The following CFHR5 variants were observed in gnomAD, a reference collection of about 807,000 sequenced individuals.
CFHR5 encodes complement factor H related 5.
In CFHR5, 73 loss-of-function variants were observed where a neutral mutation model predicts 62.9. The observed-to-expected ratio is 1.16, with a 90% CI of 0.96 to 1.41. The LOEUF (loss-of-function observed/expected upper bound fraction) is 1.41. Ranked by LOEUF, CFHR5 falls within the 40% of genes most tolerant of loss-of-function variation. The pLI is 0.00. For missense variants in CFHR5, 779 were observed against 679.9 expected (o/e 1.15, Z -1.62); for synonymous variants, 249 against 227.2 (o/e 1.10, Z -0.86).
Position 197,002,355 on chromosome 1 carries a change from G to GTGATATAAAGTGAT in CFHR5, c.1148-127_1148-126insTGATATAAAGTGAT, listed in dbSNP as rs1439134603. 2.0e-5 allele frequency: 13 copies of GTGATATAAAGTGAT among 655,120 alleles called. No individual in the cohort carries two copies. The African/African-American group carries it at 2.2e-4, about 11-fold the overall frequency. The allele number at this position is 655,120 out of a possible 1,614,324, so 40.6% of individuals were successfully genotyped here. ...ACATTTATATATAGGGAGAGAGAAA[G>GTGATATAAAGTGAT]AGAAAGTGATAGAGAGACATAGTGT... On this transcript the variant is annotated intron_variant, in intron 7 of 9. Coordinates refer to ENST00000256785, the MANE Select transcript of CFHR5 (RefSeq NM_030787.4).
chr1:196,983,743 A>T (rs1452018083), intron 2 of CFHR5, among the ~76,000 whole-genome samples: 3 of 152,194 alleles, frequency 2.0e-5, no homozygotes, highest in Non-Finnish European at 4.4e-5. Context: ...TTTATTATAA[A>T]AACCATACAG....
At chr1:196,990,107 C>A (rs146601545) in intron 3 of CFHR5, among the ~76,000 whole-genome samples, 1 of 152,102 alleles carries the variant, frequency 6.6e-6, no homozygotes, top group African/African-American at 2.4e-5. Flanking sequence ...GAATTGATCC[C>A]TTTACCATTA....
chr1:196,994,862 G>A (rs1337202187), intron 4 of CFHR5, among the ~76,000 whole-genome samples: 2 of 152,106 alleles, frequency 1.3e-5, no homozygotes, highest in African/African-American at 4.8e-5. Context: ...AATGATGGCA[G>A]ACAAGAGAAG....
intron 1 of CFHR5, among the ~76,000 whole-genome samples, chr1:196,980,164 T>G (rs1299103329): frequency 6.6e-6 from 1 of 152,138 alleles, no homozygotes; most frequent in Non-Finnish European, 1.5e-5. Flanking sequence ...GTAACATGCA[T>G]GGAGCTGTCC....
intron 9 of CFHR5, among the ~76,000 whole-genome samples, chr1:197,006,324 T>C (rs1454654181): frequency 6.6e-6 from 1 of 152,124 alleles, no homozygotes; most frequent in Non-Finnish European, 1.5e-5. Flanking sequence ...CATAGATATC[T>C]GGAAAATTCA....
chr1:197,003,632 T>C (rs1654206891), intron 8 of CFHR5, among the ~76,000 whole-genome samples: 1 of 152,210 alleles, frequency 6.6e-6, no homozygotes, highest in South Asian at 2.1e-4. Context: ...ATAAAAACCA[T>C]TGGTAATTTT....
In CFHR5 at chr1:196,982,812, A is replaced by G. The variant is rs560955406; in HGVS notation, c.59-73A>G. 1.4e-5 allele frequency: 19 copies of G among 1,390,848 alleles called. No individual in the cohort carries two copies. The South Asian group carries it at 2.0e-4, about 15-fold the overall frequency. 86.2% of individuals were successfully genotyped at this position (1,390,848 alleles called of 1,614,324 possible). A position where few individuals can be genotyped will look rare whatever the true frequency, so the allele number is the denominator to read the frequency against. On this transcript the variant is annotated intron_variant, in intron 1 of 9. Transcript: ENST00000256785. ...GAAAAACAAAACTATAAATGAGATG[A>G]CTAAAATATAATCTAGTGATTCATC...
chr1:197,002,989 TG>T (rs1362104999), intron 8 of CFHR5, among the ~76,000 whole-genome samples: 2 of 152,210 alleles, frequency 1.3e-5, no homozygotes, highest in Non-Finnish European at 2.9e-5. Context: ...GTATTCAGTA[TG>T]GTAGCATGCT....
rs1432312172 is a variant in CFHR5 at position 197,008,561 on chromosome 1, T to TATGCAAAAACAGGGG, written c.1593_1607dup (p.Lys532_Ala536dup). 1 of 1,613,534 alleles carries TATGCAAAAACAGGGG rather than the reference T, an allele frequency of 6.2e-7. No individual in the cohort carries two copies. Among genetic ancestry groups the TATGCAAAAACAGGGG allele is most frequent in the Non-Finnish European group, 8.5e-7 (1 of 1,179,662 alleles). ...AAAATGGAGAAACGATGGAAAACTC[T>TATGCAAAAACAGGGG]ATGCAAAAACAGGGGATGCTGTTGA... On this transcript the variant is annotated inframe_insertion, in exon 10 of 10. Coordinates refer to ENST00000256785, the MANE Select transcript of CFHR5 (RefSeq NM_030787.4).
intron 2 of CFHR5, among the ~76,000 whole-genome samples, 164 bp downstream of exon 2, chr1:196,983,243 A>G (rs564848873): frequency 6.6e-6 from 1 of 152,332 alleles, no homozygotes; most frequent in African/African-American, 2.4e-5. Flanking sequence ...ATGAGAATCA[A>G]TGAAGAATAA....
intron 9 of CFHR5, among the ~76,000 whole-genome samples, chr1:197,005,997 A>G (rs1222005129): frequency 6.6e-6 from 1 of 152,172 alleles, no homozygotes; most frequent in Non-Finnish European, 1.5e-5. Context: ...ATGAAGAAAA[A>G]CTAGGTTTCA....
At chr1:196,991,063 C>A (rs528305459) in intron 3 of CFHR5, among the ~76,000 whole-genome samples, 1 of 152,004 alleles carries the variant, frequency 6.6e-6, no homozygotes, top group Non-Finnish European at 1.5e-5. Flanking sequence ...TTGTTCATTT[C>A]TTTTTACTCT....
At position 197,008,672 on chromosome 1, in the gene CFHR5, A is replaced by G. The variant is rs915090892; in HGVS notation, c.1699A>G (p.Ile567Val). 17 of 1,611,922 alleles carry G rather than the reference A, an allele frequency of 1.1e-5. No individual in the cohort carries two copies. Among genetic ancestry groups the G allele is most frequent in the Admixed American group, 5.0e-5 (3 of 60,002 alleles). Reference protein sequence around the residue: ...ICQEGKFEYPICE With the variant: ...ICQEGKFEYPVCE Reference sequence around the variant, plus strand: ...TCAGGAAGGGAAATTTGAATATCCTATATGTGAATGAAGCAAGCATAATTT... The same window carrying G: ...TCAGGAAGGGAAATTTGAATATCCTGTATGTGAATGAAGCAAGCATAATTT... Residue 567 changes from isoleucine to valine, a missense_variant, in exon 10 of 10, where the codon ATA (isoleucine) becomes GTA (valine). Physicochemically the swap from Ile to Val is conservative, Grantham distance 29. Coordinates refer to ENST00000256785, the MANE Select transcript of CFHR5 (RefSeq NM_030787.4).
At chr1:196,992,047 G>A (rs550391216) in intron 3 of CFHR5, among the ~76,000 whole-genome samples, 18 of 152,340 alleles carry the variant, frequency 1.2e-4, no homozygotes, top group African/African-American at 3.8e-4. Flanking sequence ...TCTCTGCCCA[G>A]TTCAAGCTTT....
chr1:196,994,217 T>A lies in CFHR5; in HGVS notation c.568T>A (p.Tyr190Asn), dbSNP rs1414609769. 6.2e-7 allele frequency: 1 copy of A among 1,613,588 alleles called. No homozygotes were observed. The highest frequency in any genetic ancestry group is 8.5e-7 in the Non-Finnish European group (1 of 1,179,776). ...AGTTGGATCAGACTCAGTTCAATGTTACCAATTTGGGTGGTCACCTAACTT... is the reference window on the plus strand; with the variant it reads ...AGTTGGATCAGACTCAGTTCAATGTAACCAATTTGGGTGGTCACCTAACTT... ...IRVGSDSVQC[Y>N]QFGWSPNFPT... Residue 190 changes from tyrosine to asparagine, a missense_variant, in exon 4 of 10, where the codon TAC becomes AAC. Physicochemically the swap from Tyr to Asn is moderately radical, Grantham distance 143. Transcript: ENST00000256785.
At chr1:196,986,029 A>G (rs1653672711) in intron 3 of CFHR5, among the ~76,000 whole-genome samples, 1 of 152,208 alleles carries the variant, frequency 6.6e-6, no homozygotes, top group Admixed American at 6.5e-5. Flanking sequence ...CAAAAGCACA[A>G]GACAACATAT....
At chr1:196,992,818 C>T (rs572040376) in intron 3 of CFHR5, among the ~76,000 whole-genome samples, 1 of 152,264 alleles carries the variant, frequency 6.6e-6, no homozygotes, top group East Asian at 1.9e-4. Flanking sequence ...GACACATTCT[C>T]TTGGGATTTG....
At chr1:196,999,088 GT>G (rs1654065623) in intron 7 of CFHR5, among the ~76,000 whole-genome samples, 1 of 151,834 alleles carries the variant, frequency 6.6e-6, no homozygotes. Context: ...CAAGGTCATA[GT>G]TTGAAAGAAA....
intron 9 of CFHR5, 141 bp downstream of exon 9, chr1:197,004,984 C>T (rs1654250476): frequency 1.4e-6 from 1 of 716,040 alleles, no homozygotes; most frequent in Non-Finnish European, 2.3e-6. Flanking sequence ...TACAAGGAAA[C>T]ATTTGAAAAA....
Sources: allele counts gnomAD v4.1 joint callset (sites outside exome capture counted in the v4.1 genomes callset), GRCh38; gene constraint gnomAD v4.1.1; transcripts MANE v1.5; gene names NCBI Gene and HGNC (gene_info 2026-07-23, HGNC 2026-07-21).